Variants in TENM3 observed in about 807,000 individuals in gnomAD.
TENM3 encodes teneurin-3.
In TENM3, 63 loss-of-function variants were observed where a neutral mutation model predicts 255.1. That is an observed-to-expected ratio of 0.25 (90% CI 0.20 to 0.30). The LOEUF (loss-of-function observed/expected upper bound fraction) is 0.30. TENM3 is among the 10% of genes least tolerant of loss of function. TENM3 has a pLI of 1.00. For synonymous variants in TENM3, 1,306 were observed against 1,322.3 expected (o/e 0.99, Z 0.27); for missense variants, 2,929 against 3,461.1 (o/e 0.85, Z 3.86).
the TENM3 span, among the ~76,000 whole-genome samples, chr4:181,932,880 T>A: frequency 6.6e-6 from 1 of 152,152 alleles, no homozygotes; most frequent in Non-Finnish European, 1.5e-5. Context: ...TGGATGAAGC[T>A]GGAAACCATC....
At chr4:182,500,369 A>G (rs1736195583) in intron 3 of TENM3, among the ~76,000 whole-genome samples, 1 of 152,294 alleles carries the variant, frequency 6.6e-6, no homozygotes, top group Middle Eastern at 3.4e-3. Context: ...AGGAATTTGT[A>G]AGGGACATGG....
intron 3 of TENM3, among the ~76,000 whole-genome samples, chr4:182,500,111 G>A (rs1286354048): frequency 6.6e-6 from 1 of 152,144 alleles, no homozygotes; most frequent in Admixed American, 6.5e-5. Flanking sequence ...TGAAGCATGG[G>A]ATCCCAGAAG....
the TENM3 span, among the ~76,000 whole-genome samples, chr4:181,583,820 T>G: frequency 6.6e-5 from 10 of 152,338 alleles, no homozygotes; most frequent in Admixed American, 6.5e-4. Context: ...AATATCCTCC[T>G]ACCTCTAAGA....
intron 3 of TENM3, among the ~76,000 whole-genome samples, chr4:182,425,785 G>A (rs941964500): frequency 1.4e-4 from 21 of 152,052 alleles, no homozygotes; most frequent in Admixed American, 7.9e-4. Flanking sequence ...CGAGGCAGGC[G>A]GATCACGAGG....
intron 3 of TENM3, among the ~76,000 whole-genome samples, chr4:182,461,713 A>G (rs1215210104): frequency 6.6e-6 from 1 of 152,178 alleles, no homozygotes; most frequent in African/African-American, 2.4e-5. Flanking sequence ...TACCAAAGTA[A>G]ACTTCACAAA....
the TENM3 span, among the ~76,000 whole-genome samples, chr4:181,665,603 T>C: frequency 6.6e-6 from 1 of 151,766 alleles, no homozygotes; most frequent in Non-Finnish European, 1.5e-5. Flanking sequence ...TTTATATAAG[T>C]GTCTATATAC....
the TENM3 span, among the ~76,000 whole-genome samples, chr4:181,838,734 T>C: frequency 6.6e-6 from 1 of 152,128 alleles, no homozygotes; most frequent in Admixed American, 6.5e-5. Context: ...TTCTTATTTT[T>C]AAAATTTTAA....
At chr4:181,591,852 A>ACTG in the TENM3 span, among the ~76,000 whole-genome samples, 2 of 152,120 alleles carry the variant, frequency 1.3e-5, no homozygotes, top group African/African-American at 4.8e-5. Flanking sequence ...AAGGTTGGAG[A>ACTG]CTGCTGCAGT....
At chr4:182,030,467 T>C in the TENM3 span, among the ~76,000 whole-genome samples, 7 of 152,324 alleles carry the variant, frequency 4.6e-5, no homozygotes, top group East Asian at 1.4e-3. Flanking sequence ...AACATTCTCT[T>C]TATCCAGTCT....
chr4:182,800,576 C>A lies in TENM3; in HGVS notation c.*225C>A. ...ACATATGCATAGCGCTGCACTCAGTCGGACTGAACGTAGCCAGAGGAAAAA... is the reference window on the plus strand; with the variant it reads ...ACATATGCATAGCGCTGCACTCAGTAGGACTGAACGTAGCCAGAGGAAAAA... On this transcript the variant is annotated 3_prime_UTR_variant, in exon 28 of 28. Transcript: ENST00000511685. The A allele has an allele frequency of 4.3e-6, 2 of 469,608 alleles. No homozygotes were observed. The highest frequency in any genetic ancestry group is 3.2e-5 in the South Asian group (1 of 30,934). 29.1% of individuals were successfully genotyped at this position (469,608 alleles called of 1,614,324 possible). A position where few individuals can be genotyped will look rare whatever the true frequency, so the allele number is the denominator to read the frequency against.
intron 18 of TENM3, among the ~76,000 whole-genome samples, chr4:182,742,641 G>T (rs572535774): frequency 3.1e-4 from 47 of 152,274 alleles, no homozygotes; most frequent in African/African-American, 1.1e-3. Flanking sequence ...TTTATTGACT[G>T]AATATTTTCA....
chr4:182,309,721 C>G (rs1432263748), intron 1 of TENM3, among the ~76,000 whole-genome samples: 1 of 152,182 alleles, frequency 6.6e-6, no homozygotes. Context: ...AATTTCGTAA[C>G]AGAGGTATAA....
chr4:181,845,588 T>C, the TENM3 span, among the ~76,000 whole-genome samples: 1 of 152,246 alleles, frequency 6.6e-6, no homozygotes, highest in African/African-American at 2.4e-5. Context: ...ACACTTACTT[T>C]GCCATTCCTC....
chr4:181,779,363 G>C, the TENM3 span, among the ~76,000 whole-genome samples: 5 of 151,514 alleles, frequency 3.3e-5, no homozygotes, highest in Non-Finnish European at 7.4e-5. Flanking sequence ...TTTCCTGTTA[G>C]CCAGTTCTAA....
intron 12 of TENM3, among the ~76,000 whole-genome samples, chr4:182,712,840 T>G (rs1461944512): frequency 2.0e-5 from 3 of 152,240 alleles, no homozygotes; most frequent in Non-Finnish European, 4.4e-5. Flanking sequence ...GCAAGTATTT[T>G]TATTAATATG....
chr4:181,776,959 T>G, the TENM3 span, among the ~76,000 whole-genome samples: 5 of 151,944 alleles, frequency 3.3e-5, no homozygotes, highest in African/African-American at 9.6e-5. Context: ...CTATTTTTGG[T>G]TTTTTTTGTC....
the TENM3 span, among the ~76,000 whole-genome samples, chr4:181,626,507 C>T: frequency 6.6e-6 from 1 of 152,118 alleles, no homozygotes; most frequent in Non-Finnish European, 1.5e-5. Context: ...AGGAAAGTTA[C>T]AATCATGGCG....
chr4:181,536,375 C>A, the TENM3 span, among the ~76,000 whole-genome samples: 796 of 152,342 alleles, frequency 5.2e-3, 8 homozygotes, highest in African/African-American at 0.017. Context: ...TCTGAAGTGA[C>A]AAATCCTGCC....
intron 3 of TENM3, among the ~76,000 whole-genome samples, chr4:182,394,422 A>G (rs958237227): frequency 1.8e-4 from 27 of 152,302 alleles, no homozygotes; most frequent in Admixed American, 1.8e-3. Flanking sequence ...GATTGACCCC[A>G]CTTATCTTGT....
Sources: allele counts gnomAD v4.1 joint callset (sites outside exome capture counted in the v4.1 genomes callset), GRCh38; gene constraint gnomAD v4.1.1; transcripts MANE v1.5; gene names NCBI Gene and HGNC (gene_info 2026-07-23, HGNC 2026-07-21).